The following RNF17 variants were observed in gnomAD, a reference collection of about 807,000 sequenced individuals.
The protein encoded by RNF17 is spermatogenesis associated 23.
A neutral mutation model predicts 200.5 loss-of-function variants in RNF17; 31 were observed. The ratio of observed to expected loss-of-function variants is 0.15; its 90% CI spans 0.12 to 0.21. The LOEUF (loss-of-function observed/expected upper bound fraction) is 0.21. Among genes scored for constraint, RNF17 ranks in the 10% least tolerant of loss-of-function variants. The pLI is 1.00. For synonymous variants in RNF17, 606 were observed against 637.8 expected (o/e 0.95, Z 0.75); for missense variants, 1,628 against 1,905.1 (o/e 0.85, Z 2.71).
At chr13:24,858,561 T>C (rs1261175010) in intron 25 of RNF17, among the ~76,000 whole-genome samples, 1 of 127,630 alleles carries the variant, frequency 7.8e-6, no homozygotes, top group Non-Finnish European at 1.6e-5. Flanking sequence ...TTACCTTCTA[T>C]GGTATCAGTT....
intron 15 of RNF17, among the ~76,000 whole-genome samples, chr13:24,808,339 T>C (rs1192094155): frequency 6.6e-6 from 1 of 151,932 alleles, no homozygotes; most frequent in African/African-American, 2.4e-5. Context: ...TGGTTTGTAG[T>C]TCTCCTTAGA....
At chr13:24,789,322 T>G in intron 7 of RNF17, 26 bp from the exon 8 acceptor site, 1 of 1,443,064 alleles carries the variant, frequency 6.9e-7, no homozygotes, top group Non-Finnish European at 9.7e-7. Flanking sequence ...GATTCACACA[T>G]GAATGATTTT....
Position 24,834,798 on chromosome 13 carries a change from C to T in RNF17, c.2482+2820C>T, listed in dbSNP as rs546372514. Among the ~76,000 whole-genome samples the T allele has an allele frequency of 4.6e-5, 7 of 152,278 alleles. No individual in the cohort carries two copies. The South Asian group carries it at 1.2e-3, about 27-fold the overall frequency. The stretch of plus-strand genomic sequence containing the variant: ...GGAAATCTCTAGCTGAACTTGGTAA[C>T]AATTTGAACAGGGTGAGAAGCCTCC... On this transcript the variant is annotated intron_variant, in intron 18 of 35. Coordinates refer to ENST00000255324, the MANE Select transcript of RNF17 (RefSeq NM_031277.3).
chr13:24,883,178 C>T (rs768167259), downstream of RNF17: 68 of 1,613,390 alleles, frequency 4.2e-5, no homozygotes, highest in Non-Finnish European at 5.4e-5. Flanking sequence ...TGAGGATCGT[C>T]ACAGCTCCGT....
chr13:24,812,380 A>G (rs999296772), intron 15 of RNF17, among the ~76,000 whole-genome samples: 3 of 152,004 alleles, frequency 2.0e-5, no homozygotes, highest in East Asian at 4.0e-4. Context: ...AAAGTGCAGT[A>G]TTCGGGTGGG....
intron 34 of RNF17, among the ~76,000 whole-genome samples, chr13:24,877,476 A>T (rs994419318): frequency 6.6e-6 from 1 of 152,180 alleles, no homozygotes; most frequent in African/African-American, 2.4e-5. Flanking sequence ...TTAACTTATA[A>T]TGGGGAAACA....
intron 15 of RNF17, among the ~76,000 whole-genome samples, chr13:24,811,208 G>A (rs1169587981): frequency 2.0e-5 from 3 of 149,630 alleles, no homozygotes; most frequent in African/African-American, 7.4e-5. Context: ...GATTGGGGAA[G>A]TTCTCCTGGA....
intron 18 of RNF17, among the ~76,000 whole-genome samples, chr13:24,840,149 G>T (rs2138108017): frequency 6.6e-6 from 1 of 152,228 alleles, no homozygotes; most frequent in Admixed American, 6.5e-5. Context: ...AATCATCAGG[G>T]AAATGCAAAT....
downstream of RNF17, chr13:24,884,111 T>C: frequency 6.2e-7 from 1 of 1,603,674 alleles, no homozygotes; most frequent in Non-Finnish European, 8.5e-7. Flanking sequence ...ACAGTAAATA[T>C]TTTTTGAAGG....
chr13:24,839,658 C>T (rs1013566636), intron 18 of RNF17, among the ~76,000 whole-genome samples: 2 of 152,154 alleles, frequency 1.3e-5, no homozygotes, highest in African/African-American at 4.8e-5. Flanking sequence ...ACAAATGGTG[C>T]TGGGATAATT....
In RNF17 at chr13:24,870,598, A is replaced by G. The variant is rs1424924497; in HGVS notation, c.4306A>G (p.Thr1436Ala). The G allele has an allele frequency of 1.2e-6, 2 of 1,612,952 alleles. No individual in the cohort carries two copies. Among genetic ancestry groups the G allele is most frequent in the African/African-American group, 1.3e-5 (1 of 74,866 alleles). ...GTATATTTGCCTTGATTCTATAGAA[A>G]CTTCTAACCAGTCTAACCAGCATAG... ...EVYICLDSIE[T>A]SNQSNQHSDT... Residue 1436 changes from threonine to alanine, a missense_variant, in exon 32 of 36, where the codon ACT becomes GCT. By Grantham distance (58) the Thr-to-Ala change is moderately conservative. Coordinates refer to ENST00000255324, the MANE Select transcript of RNF17 (RefSeq NM_031277.3).
intron 15 of RNF17, among the ~76,000 whole-genome samples, chr13:24,809,157 C>T (rs1420893691): frequency 1.3e-5 from 2 of 150,130 alleles, no homozygotes; most frequent in African/African-American, 2.5e-5. Context: ...ATGCTGGCCT[C>T]ATAAAATGAG....
intron 32 of RNF17, among the ~76,000 whole-genome samples, 178 bp downstream of exon 32, chr13:24,870,917 T>C (rs867448160): frequency 6.6e-6 from 1 of 152,238 alleles, no homozygotes; most frequent in Non-Finnish European, 1.5e-5. Flanking sequence ...ATTTTCTAGA[T>C]AAGGAAGGTG....
rs1400629520 is a variant in RNF17, at chr13:24,800,548, T to G, written c.1758+14T>G. On this transcript the variant is annotated intron_variant, in intron 13 of 35. Coordinates refer to ENST00000255324, the MANE Select transcript of RNF17 (RefSeq NM_031277.3). The stretch of plus-strand genomic sequence containing the variant: ...CCACAGAATTCAGTAAGTGAGACTT[T>G]AATTATTTTTTCCTTCAGAGGTTAT... 1 of 1,607,226 alleles carries G rather than the reference T, an allele frequency of 6.2e-7. No individual in the cohort carries two copies. The highest frequency in any genetic ancestry group is 8.5e-7 in the Non-Finnish European group (1 of 1,175,656).
At chr13:24,796,356 C>A in intron 11 of RNF17, 61 bp downstream of exon 11, 1 of 1,159,970 alleles carries the variant, frequency 8.6e-7, no homozygotes, top group Non-Finnish European at 1.2e-6. Context: ...AATAACTTGG[C>A]CAACCCACAT....
In RNF17 at chr13:24,764,210, G is replaced by A. The variant is rs763067585; in HGVS notation, c.7G>A (p.Ala3Thr). 2.5e-6 allele frequency: 4 copies of A among 1,592,174 alleles called. No homozygotes were observed. Among genetic ancestry groups the A allele is most frequent in the East Asian group, 2.2e-5 (1 of 44,448 alleles). The change falls in exon 1 of 36, where the codon GCA becomes ACA. Residue 3 changes from alanine (A) to threonine (T), a missense_variant. This residue lies in a region of RNF17 where 502 missense variants were observed against 501.7 expected (regional missense o/e 1.00). Coordinates refer to ENST00000255324, the MANE Select transcript of RNF17 (RefSeq NM_031277.3). MA[A>T]EASKTGPSRS... ...CCAGAAGAAAGAGACAGCGATGGCG[G>A]CAGAGGCTTCGAAGACTGGGCCTTC...
the RNF17 span, among the ~76,000 whole-genome samples, chr13:24,752,768 G>T: frequency 6.6e-6 from 1 of 152,228 alleles, no homozygotes; most frequent in African/African-American, 2.4e-5. Flanking sequence ...GGCCAGGGAT[G>T]ATACTGGTCC....
intron 30 of RNF17, among the ~76,000 whole-genome samples, chr13:24,867,055 A>G (rs918377950): frequency 2.0e-5 from 3 of 152,182 alleles, no homozygotes; most frequent in African/African-American, 7.2e-5. Flanking sequence ...TATTGGATAT[A>G]TATATATATT....
At chr13:24,853,832 G>T (rs1197721534) in intron 24 of RNF17, 23 bp from the exon 25 acceptor site, 2 of 1,550,216 alleles carry the variant, frequency 1.3e-6, no homozygotes, top group Admixed American at 1.9e-5. Flanking sequence ...ATGTTTAGAT[G>T]TGTTCTTTTT....
Sources: gnomAD v4.1 joint callset for allele counts (sites outside exome capture counted in the v4.1 genomes callset) on GRCh38, gnomAD v4.1.1 for gene constraint, gnomAD v4.1.1 regional missense constraint, MANE v1.5 for transcripts, NCBI Gene and HGNC (gene_info 2026-07-23, HGNC 2026-07-21) for gene names.